The following GRHL2 variants were observed in gnomAD, a reference collection of about 807,000 sequenced individuals.
The protein encoded by GRHL2 is grainyhead-like protein 2 homolog.
A neutral mutation model predicts 83.8 loss-of-function variants in GRHL2; 21 were observed. The observed-to-expected ratio is 0.25, with a 90% CI of 0.18 to 0.36. GRHL2 has a LOEUF of 0.36. GRHL2 is among the 10% of genes least tolerant of loss of function. The pLI is 1.00. For synonymous variants in GRHL2, 280 were observed against 278.9 expected (o/e 1.00, Z -0.04); for missense variants, 623 against 781.8 (o/e 0.80, Z 2.42).
chr8:101,543,478 G>A (rs751433224), intron 2 of GRHL2, 42 bp downstream of exon 2: 2 of 1,571,284 alleles, frequency 1.3e-6, no homozygotes, highest in East Asian at 2.2e-5. Flanking sequence ...CCTGCTCCAG[G>A]ACAACCCTTT....
At chr8:101,513,118 T>G (rs954000913) in intron 1 of GRHL2, among the ~76,000 whole-genome samples, 2 of 152,190 alleles carry the variant, frequency 1.3e-5, no homozygotes, top group Non-Finnish European at 2.9e-5. Context: ...TCCTAATTTT[T>G]TTTGAGTAGT....
chr8:101,616,105 C>A (rs1812850931), intron 8 of GRHL2, among the ~76,000 whole-genome samples: 2 of 135,242 alleles, frequency 1.5e-5, no homozygotes, highest in East Asian at 5.0e-4. Flanking sequence ...TTTCTTCTTT[C>A]TTTCTTTCTT....
Position 101,666,779 on chromosome 8 carries a change from G to A in GRHL2, c.*76G>A, listed in dbSNP as rs2129778581. The stretch of plus-strand genomic sequence containing the variant: ...GAGAGAGACAGAAGCCCCAGCCCCA[G>A]AACCTGGAGACCCATCTCCCCCATC... On this transcript the variant is annotated 3_prime_UTR_variant, in exon 16 of 16. Coordinates refer to ENST00000646743, the MANE Select transcript of GRHL2 (RefSeq NM_024915.4). 3 of 882,614 alleles carry A rather than the reference G, an allele frequency of 3.4e-6. No individual in the cohort carries two copies. Among genetic ancestry groups the A allele is most frequent in the East Asian group, 4.9e-5 (2 of 40,798 alleles). 54.7% of individuals were successfully genotyped at this position (882,614 alleles called of 1,614,324 possible).
At chr8:101,590,690 T>C (rs1214608192) in intron 7 of GRHL2, among the ~76,000 whole-genome samples, 2 of 152,228 alleles carry the variant, frequency 1.3e-5, no homozygotes, top group African/African-American at 4.8e-5. Flanking sequence ...TCCTTCTCTT[T>C]ATACCTTGAT....
intron 11 of GRHL2, 63 bp downstream of exon 11, chr8:101,632,428 A>G (rs1586158623): frequency 6.3e-7 from 1 of 1,595,208 alleles, no homozygotes; most frequent in Non-Finnish European, 8.6e-7. Flanking sequence ...GCTTTAAGAT[A>G]GAAGCATTTC....
intron 9 of GRHL2, among the ~76,000 whole-genome samples, chr8:101,621,470 C>A (rs957988890): frequency 6.6e-6 from 1 of 151,868 alleles, no homozygotes; most frequent in African/African-American, 2.4e-5. Flanking sequence ...AAAAACTATG[C>A]TAGAAGCAAC....
chr8:101,542,618 C>T (rs1348096702), intron 1 of GRHL2, among the ~76,000 whole-genome samples: 1 of 151,628 alleles, frequency 6.6e-6, no homozygotes, highest in Non-Finnish European at 1.5e-5. Context: ...GGATACAGAG[C>T]TCTGAGTTTG....
At chr8:101,672,856 C>T (rs1301245860), downstream of GRHL2, among the ~76,000 whole-genome samples, 95 of 151,888 alleles carry the variant, frequency 6.3e-4, no homozygotes, top group African/African-American at 1.3e-3. Context: ...GCTGATCTCT[C>T]GGCAGAAACC....
chr8:101,671,969 T>G, downstream of GRHL2, among the ~76,000 whole-genome samples: 1 of 151,934 alleles, frequency 6.6e-6, no homozygotes, highest in Non-Finnish European at 1.5e-5. Context: ...TCTAGCAAAC[T>G]CCAACAGACC....
At chr8:101,608,968 C>T (rs1812693005) in intron 8 of GRHL2, among the ~76,000 whole-genome samples, 1 of 150,046 alleles carries the variant, frequency 6.7e-6, no homozygotes, top group South Asian at 2.1e-4. Context: ...CTGGAAAGCA[C>T]AAGGAGAGAG....
At chr8:101,677,282 A>C in the GRHL2 span, among the ~76,000 whole-genome samples, 1 of 151,794 alleles carries the variant, frequency 6.6e-6, no homozygotes, top group Non-Finnish European at 1.5e-5. Flanking sequence ...GGCAGCAAAC[A>C]CCCCTCATAG....
chr8:101,529,003 T>G (rs535107599), intron 1 of GRHL2: 10 of 380,026 alleles, frequency 2.6e-5, no homozygotes, highest in Admixed American at 3.1e-5. Context: ...TCTCTCTCCC[T>G]GTGGTATTTC....
intron 12 of GRHL2, among the ~76,000 whole-genome samples, chr8:101,638,614 A>G (rs1026281172): frequency 2.0e-5 from 3 of 152,212 alleles, no homozygotes; most frequent in African/African-American, 7.2e-5. Context: ...ATCCTAAAAG[A>G]TAGAAAATCT....
intron 8 of GRHL2, among the ~76,000 whole-genome samples, chr8:101,599,844 T>C (rs6999402): frequency 0.17 from 25,672 of 152,102 alleles, 2,424 homozygotes; most frequent in African/African-American, 0.25. Context: ...TCTTTGATTT[T>C]ATGAAAACCC....
chr8:101,647,397 TGG>T (rs1813533314), intron 13 of GRHL2, among the ~76,000 whole-genome samples: 1 of 129,638 alleles, frequency 7.7e-6, no homozygotes, highest in Middle Eastern at 3.4e-3. Flanking sequence ...GTCAGCCTGC[TGG>T]AAATTCCTTT....
At chr8:101,581,291 G>T (rs1323239031) in intron 7 of GRHL2, among the ~76,000 whole-genome samples, 1 of 152,178 alleles carries the variant, frequency 6.6e-6, no homozygotes, top group Non-Finnish European at 1.5e-5. Flanking sequence ...GTTGGGGGCA[G>T]GGGAAGAAAA....
intron 1 of GRHL2, among the ~76,000 whole-genome samples, chr8:101,530,134 C>T (rs1344793757): frequency 1.3e-5 from 2 of 152,192 alleles, no homozygotes; most frequent in Non-Finnish European, 2.9e-5. Flanking sequence ...TTTCCAAGCT[C>T]AGAGAGAAAA....
intron 12 of GRHL2, among the ~76,000 whole-genome samples, chr8:101,643,369 CA>C (rs56301334): frequency 0.037 from 3,539 of 96,750 alleles, 40 homozygotes; most frequent in Middle Eastern, 0.12. Context: ...CTGTTTCTCT[CA>C]AAAAAAAAAA....
chr8:101,662,677 C>T (rs1357481789), intron 14 of GRHL2, among the ~76,000 whole-genome samples: 3 of 152,066 alleles, frequency 2.0e-5, no homozygotes, highest in Non-Finnish European at 2.9e-5. Context: ...AGGGCTTTCC[C>T]GAATCCATCT....
Sources: gnomAD v4.1 joint callset for allele counts (sites outside exome capture counted in the v4.1 genomes callset) on GRCh38, gnomAD v4.1.1 for gene constraint, MANE v1.5 for transcripts, NCBI Gene and HGNC (gene_info 2026-07-23, HGNC 2026-07-21) for gene names.